The following MAP4 variants were observed in gnomAD, a reference collection of about 807,000 sequenced individuals.
MAP4 encodes microtubule-associated protein 4.
MAP4 carries 76 observed loss-of-function variants against 170.2 expected under a neutral mutation model. The ratio of observed to expected loss-of-function variants is 0.45; its 90% CI spans 0.37 to 0.54. The LOEUF (loss-of-function observed/expected upper bound fraction) is 0.54, where lower values mean the gene tolerates loss of function less well. Ranked by LOEUF, MAP4 falls within the 20% of genes least tolerant of loss-of-function variation. The probability of loss-of-function intolerance (pLI) is 0.00; values close to 1 mark genes in which losing one functional copy is unlikely to be tolerated. For missense variants in MAP4, 2,506 were observed against 2,748.0 expected (o/e 0.91, Z 1.97); for synonymous variants, 909 against 994.5 (o/e 0.91, Z 1.62).
intron 1 of MAP4, among the ~76,000 whole-genome samples, chr3:48,087,573 C>T (rs2100149747): frequency 6.6e-6 from 1 of 152,122 alleles, no homozygotes; most frequent in African/African-American, 2.4e-5. Flanking sequence ...TATTCACCCT[C>T]CTCCTGGGCT....
intron 9 of MAP4, among the ~76,000 whole-genome samples, chr3:47,905,404 T>C (rs537780140): frequency 6.6e-6 from 1 of 151,894 alleles, no homozygotes; most frequent in Non-Finnish European, 1.5e-5. Flanking sequence ...AGTCCAGAAA[T>C]AGACCAAATA....
At chr3:48,001,700 A>G (rs1329312758) in intron 1 of MAP4, among the ~76,000 whole-genome samples, 1 of 152,032 alleles carries the variant, frequency 6.6e-6, no homozygotes, top group Non-Finnish European at 1.5e-5. Flanking sequence ...GGGTGCCACC[A>G]TGTTGGTTAG....
At chr3:47,937,317 C>G (rs190441701) in intron 3 of MAP4, among the ~76,000 whole-genome samples, 46 of 151,992 alleles carry the variant, frequency 3.0e-4, no homozygotes, top group Non-Finnish European at 5.7e-4. Context: ...AGAAAAATGA[C>G]GATGAATTAA....
chr3:47,971,038 T>C (rs1248938611), intron 3 of MAP4, among the ~76,000 whole-genome samples: 8 of 152,146 alleles, frequency 5.3e-5, no homozygotes, highest in African/African-American at 1.9e-4. Context: ...TGTATATGGG[T>C]ATATGTGGAC....
chr3:47,986,695 C>T (rs1291983852), intron 2 of MAP4, among the ~76,000 whole-genome samples: 1 of 151,804 alleles, frequency 6.6e-6, no homozygotes, highest in Non-Finnish European at 1.5e-5. Flanking sequence ...CATTTTGGTA[C>T]GATATTTTTT....
chr3:47,987,448 G>A lies in MAP4; in HGVS notation c.224-9515C>T, dbSNP rs575406904. On this transcript the variant is annotated intron_variant, in intron 2 of 20. Transcript: ENST00000683076. ...TAGTGGGAGGTCTAGAAGGGAAAGG[G>A]AACAGAAGTCAGGGAATGTTCTGGA... is the stretch of plus-strand genomic sequence containing the variant. 3 of 1,502,768 alleles carry A rather than the reference G, an allele frequency of 2.0e-6. No homozygotes were observed. The Admixed American group carries it at 6.8e-5, about 34-fold the overall frequency. The allele number at this position is 1,502,768 out of a possible 1,614,324, so 93.1% of individuals were successfully genotyped here. A position where few individuals can be genotyped will look rare whatever the true frequency, so the allele number is the denominator to read the frequency against.
At chr3:47,891,598 G>A (rs1331416809) in intron 10 of MAP4, 1 of 1,535,650 alleles carries the variant, frequency 6.5e-7, no homozygotes, top group Non-Finnish European at 8.7e-7. Context: ...ACAGGGCCCT[G>A]CGCACTGCCT....
intron 3 of MAP4, among the ~76,000 whole-genome samples, chr3:47,969,413 C>T (rs965276307): frequency 6.0e-5 from 4 of 66,398 alleles, no homozygotes; most frequent in Admixed American, 1.9e-4. Flanking sequence ...TCTCGCGGGG[C>T]GCGGGGAGAG....
At position 47,855,208 on chromosome 3, in the gene MAP4, C is replaced by A; in HGVS notation, c.6696+40G>T. ...CCTGACCCTAACTGCATAGTTCCCA[C>A]CCCTCCCCAGCTGTGTCTCCCCAGT... On this transcript the variant is annotated intron_variant, in intron 19 of 20. Coordinates refer to ENST00000683076, the MANE Select transcript of MAP4 (RefSeq NM_001385682.1). This position sits in a 1 kb window ranked among gnomAD's most constrained non-coding sequence, Gnocchi z 5.1. 2.1e-6 allele frequency: 3 copies of A among 1,437,266 alleles called. No homozygotes were observed. The highest frequency in any genetic ancestry group is 2.9e-6 in the Non-Finnish European group (3 of 1,019,504). The allele number at this position is 1,437,266 out of a possible 1,614,324, so 89.0% of individuals were successfully genotyped here.
At chr3:47,861,157 T>C (rs2065075325) in intron 17 of MAP4, among the ~76,000 whole-genome samples, 1 of 152,028 alleles carries the variant, frequency 6.6e-6, no homozygotes, top group Non-Finnish European at 1.5e-5. Context: ...GGTCAGGAGT[T>C]CAAGACCAGC....
chr3:47,988,921 T>C (rs1164086084), intron 2 of MAP4, among the ~76,000 whole-genome samples: 3 of 152,134 alleles, frequency 2.0e-5, no homozygotes, highest in Admixed American at 1.3e-4. Context: ...CAAGACTCTC[T>C]TGCCCCAGCC....
chr3:48,082,561 G>A (rs374093941), intron 1 of MAP4, among the ~76,000 whole-genome samples: 16 of 152,270 alleles, frequency 1.1e-4, no homozygotes, highest in East Asian at 3.9e-4. Flanking sequence ...TAGCATTTTC[G>A]GAGGATGAGG....
chr3:47,932,445 G>A (rs1277504610), intron 3 of MAP4, among the ~76,000 whole-genome samples: 5 of 152,138 alleles, frequency 3.3e-5, no homozygotes, highest in African/African-American at 4.8e-5. Flanking sequence ...ATCCCTAGGA[G>A]TAGAACTGCT....
chr3:48,080,394 T>A (rs2100146034), intron 1 of MAP4, among the ~76,000 whole-genome samples: 6 of 152,246 alleles, frequency 3.9e-5, no homozygotes, highest in Admixed American at 3.9e-4. Flanking sequence ...AGAATTGTTT[T>A]TGCTCTCAAT....
At chr3:47,981,743 C>T (rs919285441) in intron 2 of MAP4, among the ~76,000 whole-genome samples, 2 of 148,824 alleles carry the variant, frequency 1.3e-5, no homozygotes, top group African/African-American at 5.0e-5. Flanking sequence ...CCAGTCTGGG[C>T]GACAGAGCAA....
At chr3:47,905,545 C>T in intron 9 of MAP4, among the ~76,000 whole-genome samples, 1 of 129,418 alleles carries the variant, frequency 7.7e-6, no homozygotes, top group East Asian at 2.2e-4. Context: ...ACAACAACAA[C>T]AAAAAAAAAA....
At chr3:48,035,817 G>A (rs2100118502) in intron 1 of MAP4, among the ~76,000 whole-genome samples, 1 of 152,002 alleles carries the variant, frequency 6.6e-6, no homozygotes, top group South Asian at 2.1e-4. Context: ...GCACACACCT[G>A]TAATCCCAGC....
At chr3:48,014,075 G>T (rs911548260) in intron 1 of MAP4, among the ~76,000 whole-genome samples, 2 of 152,082 alleles carry the variant, frequency 1.3e-5, no homozygotes, top group Non-Finnish European at 2.9e-5. Context: ...TAAGAGCTAG[G>T]TGCTCATAAA....
intron 4 of MAP4, among the ~76,000 whole-genome samples, chr3:47,924,964 C>T (rs1475152003): frequency 6.6e-6 from 1 of 152,106 alleles, no homozygotes; most frequent in Admixed American, 6.6e-5. Context: ...GCATCCGCCA[C>T]CACACCTGGC....
Sources: gnomAD v4.1 joint callset for allele counts (sites outside exome capture counted in the v4.1 genomes callset) on GRCh38, gnomAD v4.1.1 for gene constraint, Gnocchi (gnomAD v3.1) non-coding constraint, MANE v1.5 for transcripts, NCBI Gene and HGNC (gene_info 2026-07-23, HGNC 2026-07-21) for gene names.